CDH11: variants seen among roughly 807,000 people sequenced by gnomAD.
CDH11 encodes the protein cadherin 11, also known as cadherin-11.
A neutral mutation model predicts 67.8 loss-of-function variants in CDH11; 11 were observed. That is an observed-to-expected ratio of 0.16 (90% confidence interval 0.10 to 0.27). The LOEUF is 0.27. Ranked by LOEUF, CDH11 falls within the 10% of genes least tolerant of loss-of-function variation. CDH11 has a pLI of 1.00. For missense variants in CDH11, 847 were observed against 1,031.2 expected (o/e 0.82, Z 2.45); for synonymous variants, 419 against 400.0 (o/e 1.05, Z -0.57).
chr16:65,015,742 C>G (rs889387595), intron 2 of CDH11, among the ~76,000 whole-genome samples: 3 of 152,130 alleles, frequency 2.0e-5, no homozygotes, highest in Non-Finnish European at 4.4e-5. Context: ...ATCTAATGTC[C>G]TGCAGAGAAC....
chr16:64,999,776 CTG>C (rs2072872455), intron 3 of CDH11, among the ~76,000 whole-genome samples: 1 of 152,202 alleles, frequency 6.6e-6, no homozygotes, highest in Non-Finnish European at 1.5e-5. Flanking sequence ...CTCAAGTGAT[CTG>C]CCTGCCTTGG....
chr16:65,062,938 C>A (rs907072316), intron 1 of CDH11, among the ~76,000 whole-genome samples: 3 of 152,162 alleles, frequency 2.0e-5, no homozygotes, highest in African/African-American at 4.8e-5. Flanking sequence ...GAGAGTCTAG[C>A]GGGTGCTCTA....
intron 2 of CDH11, among the ~76,000 whole-genome samples, chr16:65,042,767 C>T (rs12445049): frequency 0.015 from 2,295 of 152,310 alleles, 30 homozygotes; most frequent in Non-Finnish European, 0.024. Flanking sequence ...CATTCAACTT[C>T]TGATCCTGAC....
At chr16:64,986,068 T>C (rs2072479585) in intron 7 of CDH11, 2 of 152,102 alleles carry the variant, frequency 1.3e-5, no homozygotes, top group African/African-American at 4.8e-5. Flanking sequence ...AGTTAAAAAA[T>C]ACTTTAAAAT....
intron 1 of CDH11, among the ~76,000 whole-genome samples, chr16:65,080,192 CTTGT>C (rs2074585154): frequency 6.6e-6 from 1 of 151,646 alleles, no homozygotes; most frequent in African/African-American, 2.4e-5. Context: ...TGCATAATTG[CTTGT>C]CCGATGTACA....
At chr16:65,006,997 A>C (rs773024157) in intron 2 of CDH11, 5 of 152,190 alleles carry the variant, frequency 3.3e-5, no homozygotes, top group Non-Finnish European at 5.9e-5. Context: ...CTCTAAGGGT[A>C]CCCATGCCTT....
chr16:65,072,510 A>AT (rs373529020), intron 1 of CDH11, among the ~76,000 whole-genome samples: 198 of 150,546 alleles, frequency 1.3e-3, no homozygotes, highest in Non-Finnish European at 1.5e-3. Context: ...TTCTTGTCCA[A>AT]TTTTTTTTTT....
At chr16:65,006,447 A>G (rs778312824) in intron 2 of CDH11, among the ~76,000 whole-genome samples, 15 of 152,310 alleles carry the variant, frequency 9.8e-5, no homozygotes, top group Middle Eastern at 3.4e-3. Flanking sequence ...TGGAGATCAG[A>G]TGCATCTGGA....
chr16:64,947,454 T>C lies in CDH11; in HGVS notation c.*149A>G. On this transcript the variant is annotated 3_prime_UTR_variant, in exon 13 of 13. Transcript: ENST00000268603. ...CACAGTATTTACCACTTTGATGTCC[T>C]CGCAGTTTTATTAAATGTATCCTCT... 6.9e-7 allele frequency: 1 copy of C among 1,457,976 alleles called. No individual in the cohort carries two copies. The highest frequency in any genetic ancestry group is 9.0e-7 in the Non-Finnish European group (1 of 1,105,688). 90.3% of individuals were successfully genotyped at this position (1,457,976 alleles called of 1,614,324 possible). A position where few individuals can be genotyped will look rare whatever the true frequency, so the allele number is the denominator to read the frequency against.
chr16:64,950,636 T>G, intron 12 of CDH11, 131 bp downstream of exon 12: 10 of 302,736 alleles, frequency 3.3e-5, no homozygotes, highest in Non-Finnish European at 3.6e-5. Flanking sequence ...CGTACCCCAC[T>G]TCTTTTCTTG....
chr16:65,067,659 T>C (rs560109112), intron 1 of CDH11, among the ~76,000 whole-genome samples: 1 of 148,520 alleles, frequency 6.7e-6, no homozygotes, highest in South Asian at 2.1e-4. Context: ...CACTGACACA[T>C]AGAATTGGGA....
At chr16:65,058,526 T>C (rs187083516) in intron 1 of CDH11, among the ~76,000 whole-genome samples, 16 of 152,268 alleles carry the variant, frequency 1.1e-4, no homozygotes, top group African/African-American at 2.6e-4. Context: ...TTCTTCCTTT[T>C]TTGAGCATCA....
chr16:64,967,115 C>T (rs2071856063), intron 11 of CDH11, among the ~76,000 whole-genome samples: 2 of 152,066 alleles, frequency 1.3e-5, no homozygotes, highest in African/African-American at 2.4e-5. Context: ...AAAATAAAAC[C>T]TCACCTGTTT....
rs1184961174 is a variant in CDH11 at position 65,098,185 on chromosome 16, CA to C, written c.-298+23694del. 3.9e-5 allele frequency among the ~76,000 whole-genome samples: 6 copies of C among 152,108 alleles called. 1 individual carries two copies. The highest frequency in any genetic ancestry group is 1.5e-5 in the Non-Finnish European group (1 of 68,008). ...CCAATGGGTATCTTCAGGGAAAGAA[CA>C]GGGGTAATGAGAGGTTCAATATTTA... On this transcript the variant is annotated intron_variant, in intron 1 of 12. Transcript: ENST00000268603.
intron 2 of CDH11, among the ~76,000 whole-genome samples, chr16:65,037,801 G>A (rs2035012770): frequency 6.6e-6 from 1 of 152,006 alleles, no homozygotes; most frequent in Admixed American, 6.6e-5. Flanking sequence ...GGATCTGGAA[G>A]TCACCAACCA....
chr16:65,017,328 C>T (rs1387539805), intron 2 of CDH11, among the ~76,000 whole-genome samples: 1 of 152,120 alleles, frequency 6.6e-6, no homozygotes, highest in African/African-American at 2.4e-5. Context: ...ACGCTTGCAA[C>T]CTAGGGTTTG....
At chr16:65,117,634 C>T (rs982799137) in intron 1 of CDH11, among the ~76,000 whole-genome samples, 7 of 152,154 alleles carry the variant, frequency 4.6e-5, no homozygotes. Flanking sequence ...TATTAAAATT[C>T]CATGCCCCAA....
chr16:65,081,297 T>G lies in CDH11; in HGVS notation c.-297-27369A>C, dbSNP rs766643601. On this transcript the variant is annotated intron_variant, in intron 1 of 12. Transcript: ENST00000268603. ...AAGGAGCATCTACAGGGCTGGGCGCTGGGGCTCACGCCTGTAATCCCAGCA... is the reference window on the plus strand; with the variant it reads ...AAGGAGCATCTACAGGGCTGGGCGCGGGGGCTCACGCCTGTAATCCCAGCA... Among the ~76,000 whole-genome samples the G allele has an allele frequency of 4.4e-4, 67 of 152,228 alleles. 1 individual carries two copies. In the Middle Eastern group the frequency reaches 0.014, roughly 31 times the overall value.
chr16:65,023,790 T>A (rs570630482), intron 2 of CDH11, among the ~76,000 whole-genome samples: 14 of 152,294 alleles, frequency 9.2e-5, no homozygotes, highest in African/African-American at 3.1e-4. Context: ...AATTAGCAAA[T>A]AATGAGCAGT....
Sources: allele counts gnomAD v4.1 joint callset (sites outside exome capture counted in the v4.1 genomes callset), GRCh38; gene constraint gnomAD v4.1.1; transcripts MANE v1.5; gene names NCBI Gene and HGNC (gene_info 2026-07-23, HGNC 2026-07-21).